Variants in EYA3 observed in about 807,000 individuals in gnomAD.
EYA3 encodes protein phosphatase EYA3.
Under a neutral mutation model 80.0 loss-of-function variants are expected in EYA3, and 39 were observed. The ratio of observed to expected loss-of-function variants is 0.49; its 90% CI spans 0.38 to 0.64. The LOEUF is 0.64. EYA3 is among the 30% of genes least tolerant of loss of function. EYA3 has a pLI of 0.00. For missense variants in EYA3, 523 were observed against 676.1 expected, an observed-to-expected ratio of 0.77 and a Z score of 2.51; for synonymous variants, 206 against 232.8, an observed-to-expected ratio of 0.88 and a Z score of 1.05.
At chr1:28,053,327 T>TA (rs1007469870) in intron 2 of EYA3, among the ~76,000 whole-genome samples, 2 of 152,182 alleles carry the variant, frequency 1.3e-5, no homozygotes, top group East Asian at 1.9e-4. Flanking sequence ...GCTGGTATCT[T>TA]AAAAAATGAC....
At chr1:27,997,905 A>C (rs572861454) in intron 12 of EYA3, among the ~76,000 whole-genome samples, 29 of 152,340 alleles carry the variant, frequency 1.9e-4, no homozygotes, top group African/African-American at 6.7e-4. Context: ...CATCTAAATC[A>C]ATCTCCTCAT....
At position 27,971,936 on chromosome 1, in the gene EYA3, T is replaced by C. The variant is rs564909113; in HGVS notation, c.*2530A>G. On this transcript the variant is annotated 3_prime_UTR_variant, in exon 18 of 18. Transcript: ENST00000373871. ...GCAACAACCAGGAATGAGCAAAGACTGCTCTGCTCAGCCTCCTTACCTCTC... is the reference window on the plus strand; with the variant it reads ...GCAACAACCAGGAATGAGCAAAGACCGCTCTGCTCAGCCTCCTTACCTCTC... 6.6e-6 allele frequency: 1 copy of C among 152,376 alleles called. No homozygotes were observed. Among genetic ancestry groups the C allele is most frequent in the African/African-American group, 2.4e-5 (1 of 41,582 alleles). The allele number at this position is 152,376 out of a possible 1,614,324, so 9.4% of individuals were successfully genotyped here. A position where few individuals can be genotyped will look rare whatever the true frequency, so the allele number is the denominator to read the frequency against.
At chr1:28,057,026 T>A (rs546074285) in intron 2 of EYA3, among the ~76,000 whole-genome samples, 1 of 152,300 alleles carries the variant, frequency 6.6e-6, no homozygotes, top group South Asian at 2.1e-4. Context: ...TTCAAATGTT[T>A]CAAAAGGTCT....
intron 14 of EYA3, among the ~76,000 whole-genome samples, chr1:27,991,957 A>C (rs1418224859): frequency 6.6e-6 from 1 of 152,222 alleles, no homozygotes; most frequent in Non-Finnish European, 1.5e-5. Flanking sequence ...AAAGATGTGG[A>C]GTTACCAAAA....
intron 17 of EYA3, among the ~76,000 whole-genome samples, chr1:27,975,842 T>C (rs1176609326): frequency 6.6e-6 from 1 of 152,114 alleles, no homozygotes; most frequent in East Asian, 1.9e-4. Context: ...AGTCTCACTC[T>C]TTTGCCCAGG....
At chr1:28,053,182 A>G (rs938678465) in intron 2 of EYA3, among the ~76,000 whole-genome samples, 1 of 148,992 alleles carries the variant, frequency 6.7e-6, no homozygotes, top group East Asian at 1.9e-4. Context: ...AAAAAAACAG[A>G]AAAAGAAAAA....
At chr1:28,058,955 ATG>A (rs1644523362) in intron 1 of EYA3, among the ~76,000 whole-genome samples, 1 of 152,190 alleles carries the variant, frequency 6.6e-6, no homozygotes, top group African/African-American at 2.4e-5. Context: ...CTCCCAAAAG[ATG>A]TGATTGCTTG....
At chr1:28,007,479 C>T (rs979841966) in intron 10 of EYA3, among the ~76,000 whole-genome samples, 2 of 151,680 alleles carry the variant, frequency 1.3e-5, no homozygotes, top group Non-Finnish European at 2.9e-5. Flanking sequence ...GGGTTACAGG[C>T]GCCTGCCACC....
chr1:27,997,252 C>G, intron 13 of EYA3, 68 bp downstream of exon 13: 1 of 1,425,508 alleles, frequency 7.0e-7, no homozygotes, highest in Non-Finnish European at 9.9e-7. Flanking sequence ...TGTTTTCCTC[C>G]AAACCTAGAC....
intron 10 of EYA3, among the ~76,000 whole-genome samples, chr1:28,008,162 A>T (rs908773276): frequency 6.6e-6 from 1 of 152,102 alleles, no homozygotes; most frequent in Non-Finnish European, 1.5e-5. Flanking sequence ...TCATAAGTTA[A>T]TTTTTAATAG....
At chr1:28,011,223 G>C in intron 9 of EYA3, 137 bp from the exon 10 acceptor site, 1 of 891,856 alleles carries the variant, frequency 1.1e-6, no homozygotes, top group Non-Finnish European at 1.7e-6. Flanking sequence ...CCTTATGTAA[G>C]CAATTATGAA....
At position 27,997,301 on chromosome 1, in the gene EYA3, G is replaced by C; in HGVS notation, c.1142+19C>G. On this transcript the variant is annotated intron_variant, in intron 13 of 17. Transcript: ENST00000373871. ...ACATAACAGGTGTACTGGTGTTCAA[G>C]AATCATTATGTTTATCACCTCAAGT... 6.2e-7 allele frequency: 1 copy of C among 1,611,390 alleles called. No homozygotes were observed. Among genetic ancestry groups the C allele is most frequent in the Non-Finnish European group, 8.5e-7 (1 of 1,177,554 alleles).
chr1:27,979,418 G>A (rs1639159631), intron 16 of EYA3, among the ~76,000 whole-genome samples: 1 of 152,158 alleles, frequency 6.6e-6, no homozygotes, highest in Admixed American at 6.5e-5. Context: ...ACTATACCTT[G>A]TAGTTGTAAC....
intron 1 of EYA3, among the ~76,000 whole-genome samples, chr1:28,086,315 G>A (rs1485948188): frequency 6.6e-6 from 1 of 151,828 alleles, no homozygotes; most frequent in African/African-American, 2.4e-5. Flanking sequence ...TTGGGCTCAA[G>A]CAATCCTCCA....
intron 13 of EYA3, among the ~76,000 whole-genome samples, chr1:27,995,421 G>GAA (rs55902170): frequency 2.0e-4 from 16 of 79,196 alleles, no homozygotes; most frequent in Non-Finnish European, 2.3e-4. Flanking sequence ...ATCTTAAAAG[G>GAA]AAAAAAAAAA....
chr1:28,063,187 C>T (rs1644698226), intron 1 of EYA3, among the ~76,000 whole-genome samples: 1 of 151,720 alleles, frequency 6.6e-6, no homozygotes, highest in South Asian at 2.1e-4. Flanking sequence ...CAGGAGTTAA[C>T]TGGATATCTA....
chr1:28,036,892 G>C (rs1364760189), intron 5 of EYA3, among the ~76,000 whole-genome samples: 1 of 152,038 alleles, frequency 6.6e-6, no homozygotes, highest in Non-Finnish European at 1.5e-5. Flanking sequence ...ATGAAGAAAG[G>C]CCATAAAGAA....
rs1424619341 is a variant in EYA3 at position 28,045,975 on chromosome 1, C to T, written c.77+2408G>A. On this transcript the variant is annotated intron_variant, in intron 3 of 17. Coordinates refer to ENST00000373871, the MANE Select transcript of EYA3 (RefSeq NM_001990.4). ...CTGACACATGCTACAAATGGATAGA[C>T]CTTAAAGACATCATGATGAATCACA... Among the ~76,000 whole-genome samples, 3 of 152,078 alleles carry T rather than the reference C, an allele frequency of 2.0e-5. No individual in the cohort carries two copies. The East Asian group carries it at 5.8e-4, about 29-fold the overall frequency.
At chr1:28,029,752 T>C (rs6674212) in intron 6 of EYA3, among the ~76,000 whole-genome samples, 34,596 of 151,898 alleles carry the variant, frequency 0.23, 4,138 homozygotes, top group Non-Finnish European at 0.27. Flanking sequence ...TGTACCACCA[T>C]GCCTGGCTAA....
Sources: allele counts gnomAD v4.1 joint callset (sites outside exome capture counted in the v4.1 genomes callset), GRCh38; gene constraint gnomAD v4.1.1; transcripts MANE v1.5; gene names NCBI Gene and HGNC (gene_info 2026-07-23, HGNC 2026-07-21).